LRBA: variants seen among roughly 807,000 people sequenced by gnomAD.
LRBA encodes LPS responsive beige-like anchor protein.
Under a neutral mutation model 330.0 loss-of-function variants are expected in LRBA, and 176 were observed. The observed-to-expected ratio is 0.53, with a 90% CI of 0.47 to 0.60. The LOEUF (loss-of-function observed/expected upper bound fraction) is 0.60. LRBA is among the 20% of genes least tolerant of loss of function. LRBA has a pLI of 0.00. For synonymous variants in LRBA, 1,230 were observed against 1,193.0 expected (o/e 1.03, Z -0.64); for missense variants, 3,259 against 3,444.8 (o/e 0.95, Z 1.35).
At chr4:150,731,899 A>G (rs530700042) in intron 36 of LRBA, among the ~76,000 whole-genome samples, 1 of 152,322 alleles carries the variant, frequency 6.6e-6, no homozygotes, top group Non-Finnish European at 1.5e-5. Flanking sequence ...GATACCCAAT[A>G]TTCCATGATG....
chr4:150,500,196 T>C (rs1760084241), intron 40 of LRBA, among the ~76,000 whole-genome samples: 1 of 151,944 alleles, frequency 6.6e-6, no homozygotes, highest in South Asian at 2.1e-4. Flanking sequence ...GTATACAACA[T>C]CTTTATGTAC....
At chr4:150,981,444 A>G (rs1205438773) in intron 2 of LRBA, among the ~76,000 whole-genome samples, 2 of 151,226 alleles carry the variant, frequency 1.3e-5, no homozygotes, top group Non-Finnish European at 2.9e-5. Context: ...TAAAATTTAT[A>G]TGGAACCACA....
chr4:150,409,842 A>G (rs528674602), intron 47 of LRBA, among the ~76,000 whole-genome samples: 1 of 152,236 alleles, frequency 6.6e-6, no homozygotes, highest in East Asian at 1.9e-4. Context: ...AAACCAAACA[A>G]TAGTAATTTT....
At chr4:150,753,283 G>A (rs1464798570) in intron 35 of LRBA, among the ~76,000 whole-genome samples, 1 of 152,076 alleles carries the variant, frequency 6.6e-6, no homozygotes, top group East Asian at 1.9e-4. Flanking sequence ...TATTAGGCAG[G>A]CATTTCTATT....
At chr4:150,445,373 CTCTCTATATATA>C (rs1354530332) in intron 44 of LRBA, among the ~76,000 whole-genome samples, 417 of 83,920 alleles carry the variant, frequency 5.0e-3, no homozygotes, top group Non-Finnish European at 6.5e-3. Flanking sequence ...CTCTCTCTCT[CTCTCTATATATA>C]TATATATATA....
intron 44 of LRBA, among the ~76,000 whole-genome samples, chr4:150,440,647 G>A (rs1051393081): frequency 6.6e-6 from 1 of 151,986 alleles, no homozygotes; most frequent in Non-Finnish European, 1.5e-5. Context: ...GGTGGTGTAT[G>A]CCTATAGTCC....
chr4:150,402,552 C>T (rs1199717618), intron 47 of LRBA, among the ~76,000 whole-genome samples: 1 of 151,980 alleles, frequency 6.6e-6, no homozygotes, highest in Non-Finnish European at 1.5e-5. Context: ...ATAATACAAA[C>T]TAAATTTGCC....
At chr4:150,284,254 A>G (rs1287065404) in intron 54 of LRBA, among the ~76,000 whole-genome samples, 1 of 152,164 alleles carries the variant, frequency 6.6e-6, no homozygotes, top group Non-Finnish European at 1.5e-5. Flanking sequence ...AATTCTAGGG[A>G]ATATTTCATG....
Position 150,828,380 on chromosome 4 carries a change from A to G in LRBA, c.4971T>C (p.Asp1657=). 4.3e-6 allele frequency: 7 copies of G among 1,614,012 alleles called. No homozygotes were observed. Among genetic ancestry groups the G allele is most frequent in the Non-Finnish European group, 5.1e-6 (6 of 1,179,966 alleles). ...EVNKSPETKN[D]RGNDLDTKAT... ...CCTTAGTGTCCAAGTCATTTCCTCTATCATTTTTGGTTTCCGGAGACTTAT... is the reference window on the plus strand; with the variant it reads ...CCTTAGTGTCCAAGTCATTTCCTCTGTCATTTTTGGTTTCCGGAGACTTAT... Residue 1657 remains aspartate, a synonymous_variant, in exon 30 of 57, where the codon GAT becomes GAC. Transcript: ENST00000651943.
chr4:150,905,788 C>T (rs754226230), intron 13 of LRBA, 50 bp downstream of exon 13: 5 of 1,487,402 alleles, frequency 3.4e-6, no homozygotes, highest in Non-Finnish European at 4.6e-6. Flanking sequence ...TCCTCACGCA[C>T]AAAAACAGCA....
chr4:150,906,432 T>C, intron 11 of LRBA, 27 bp from the exon 12 acceptor site: 1 of 1,197,556 alleles, frequency 8.4e-7, no homozygotes, highest in Non-Finnish European at 1.2e-6. Flanking sequence ...AGGCGATGAT[T>C]AAAAAAACAT....
At chr4:150,698,837 C>T (rs1307116553) in intron 36 of LRBA, among the ~76,000 whole-genome samples, 2 of 152,076 alleles carry the variant, frequency 1.3e-5, no homozygotes, top group African/African-American at 4.8e-5. Context: ...ATATTGAGGC[C>T]TTTCTTTTAA....
chr4:150,941,830 T>C (rs1166578408), intron 2 of LRBA, among the ~76,000 whole-genome samples: 1 of 150,340 alleles, frequency 6.7e-6, no homozygotes, highest in African/African-American at 2.5e-5. Context: ...GAGGTTGCAG[T>C]GAGCAGAAAT....
intron 17 of LRBA, among the ~76,000 whole-genome samples, chr4:150,875,189 C>G (rs535607990): frequency 6.6e-6 from 1 of 152,316 alleles, no homozygotes; most frequent in East Asian, 1.9e-4. Flanking sequence ...AAGCCTATCT[C>G]CAGGGATTCA....
intron 47 of LRBA, among the ~76,000 whole-genome samples, chr4:150,398,568 G>T (rs1745056249): frequency 6.6e-6 from 1 of 151,852 alleles, no homozygotes. Context: ...TAATTAAGAG[G>T]CATTCATGAA....
chr4:150,414,996 C>G (rs781181830), intron 47 of LRBA, among the ~76,000 whole-genome samples: 1 of 152,182 alleles, frequency 6.6e-6, no homozygotes, highest in Non-Finnish European at 1.5e-5. Context: ...TTAACATTTT[C>G]ATATTCTCAA....
At chr4:150,506,403 A>G (rs1317239187) in intron 40 of LRBA, among the ~76,000 whole-genome samples, 12 of 152,150 alleles carry the variant, frequency 7.9e-5, no homozygotes, top group South Asian at 2.1e-4. Context: ...TTCATCCCTG[A>G]GATGCAAGGC....
intron 38 of LRBA, among the ~76,000 whole-genome samples, chr4:150,596,548 A>T (rs1773504914): frequency 6.6e-6 from 1 of 151,930 alleles, no homozygotes; most frequent in South Asian, 2.1e-4. Context: ...TATCCTCATT[A>T]ATATATATTT....
At chr4:150,309,238 A>G (rs967313655) in intron 52 of LRBA, among the ~76,000 whole-genome samples, 2 of 152,272 alleles carry the variant, frequency 1.3e-5, no homozygotes, top group East Asian at 3.9e-4. Context: ...ATAATTGCCT[A>G]CAGTATCCCA....
Sources: allele counts gnomAD v4.1 joint callset (sites outside exome capture counted in the v4.1 genomes callset), GRCh38; gene constraint gnomAD v4.1.1; transcripts MANE v1.5; gene names NCBI Gene and HGNC (gene_info 2026-07-23, HGNC 2026-07-21).